ADAMTS16: variants seen among roughly 807,000 people sequenced by gnomAD.
ADAMTS16 encodes ADAM metallopeptidase with thrombospondin type 1 motif 16.
A neutral mutation model predicts 145.8 loss-of-function variants in ADAMTS16; 94 were observed. That is an observed-to-expected ratio of 0.64 (90% CI 0.55 to 0.77). ADAMTS16 has a LOEUF of 0.77. Ranked by LOEUF, ADAMTS16 falls within the 30% of genes least tolerant of loss-of-function variation. The pLI is 0.00. For missense variants in ADAMTS16, 1,585 were observed against 1,591.5 expected (o/e 1.00, Z 0.07); for synonymous variants, 659 against 604.3 (o/e 1.09, Z -1.33).
At chr5:5,233,190 G>A (rs1230557305) in intron 12 of ADAMTS16, among the ~76,000 whole-genome samples, 5 of 142,058 alleles carry the variant, frequency 3.5e-5, no homozygotes, top group Middle Eastern at 3.8e-3. Flanking sequence ...ATGGTTTTAC[G>A]TGGAAAAAAG....
chr5:5,314,464 G>C (rs1453520608), intron 21 of ADAMTS16, among the ~76,000 whole-genome samples: 2 of 152,206 alleles, frequency 1.3e-5, no homozygotes, highest in Non-Finnish European at 2.9e-5. Context: ...AAATGGCTGT[G>C]CTGAGTTTTA....
At chr5:5,318,020 G>A (rs553890189) in intron 21 of ADAMTS16, 114 bp from the exon 22 acceptor site, 140 of 1,175,104 alleles carry the variant, frequency 1.2e-4, no homozygotes, top group Admixed American at 1.6e-4. Flanking sequence ...CGACTAAGTC[G>A]CTCTTCCCTC....
At chr5:5,225,644 G>A (rs3058414) in intron 11 of ADAMTS16, among the ~76,000 whole-genome samples, 19,127 of 151,514 alleles carry the variant, frequency 0.13, 1,197 homozygotes, top group East Asian at 0.16. Context: ...CAGGAAAGAA[G>A]AAAGAGGGGA....
intron 18 of ADAMTS16, among the ~76,000 whole-genome samples, chr5:5,285,254 C>A (rs1257367216): frequency 6.6e-6 from 1 of 152,212 alleles, no homozygotes; most frequent in African/African-American, 2.4e-5. Flanking sequence ...TGTTGACCAA[C>A]AGAAGCGTTA....
intron 3 of ADAMTS16, among the ~76,000 whole-genome samples, chr5:5,160,238 C>T (rs1346993291): frequency 1.3e-5 from 2 of 152,182 alleles, no homozygotes; most frequent in Non-Finnish European, 2.9e-5. Context: ...GCCTTATCTT[C>T]ACCATTCAGC....
chr5:5,264,190 G>C (rs1260247818), intron 18 of ADAMTS16, among the ~76,000 whole-genome samples: 1 of 152,094 alleles, frequency 6.6e-6, no homozygotes, highest in African/African-American at 2.4e-5. Flanking sequence ...AAGAGAGCAG[G>C]CAAACAGGAA....
chr5:5,208,734 G>C (rs1487515063), intron 9 of ADAMTS16, among the ~76,000 whole-genome samples: 1 of 152,168 alleles, frequency 6.6e-6, no homozygotes, highest in Non-Finnish European at 1.5e-5. Flanking sequence ...CCATCTTTTG[G>C]TTGATTCTGC....
chr5:5,274,932 G>A (rs562884313), intron 18 of ADAMTS16, among the ~76,000 whole-genome samples: 62 of 152,172 alleles, frequency 4.1e-4, no homozygotes, highest in Middle Eastern at 3.4e-3. Context: ...CACACTCAGC[G>A]TAACTGTCCC....
intron 17 of ADAMTS16, among the ~76,000 whole-genome samples, chr5:5,242,771 C>T (rs568859061): frequency 6.6e-6 from 1 of 152,300 alleles, no homozygotes; most frequent in South Asian, 2.1e-4. Flanking sequence ...AATGGAAGCT[C>T]ACATTTATAT....
intron 9 of ADAMTS16, among the ~76,000 whole-genome samples, chr5:5,205,990 C>A (rs989574407): frequency 6.6e-6 from 1 of 152,092 alleles, no homozygotes; most frequent in Non-Finnish European, 1.5e-5. Flanking sequence ...ATTGATTATG[C>A]CTTTGATGTT....
chr5:5,266,409 G>A (rs1290866976), intron 18 of ADAMTS16, among the ~76,000 whole-genome samples: 1 of 152,228 alleles, frequency 6.6e-6, no homozygotes, highest in Non-Finnish European at 1.5e-5. Flanking sequence ...CCCCAGGGCA[G>A]CAGAGAGAAG....
intron 3 of ADAMTS16, among the ~76,000 whole-genome samples, chr5:5,181,223 G>A (rs187328990): frequency 1.3e-5 from 2 of 152,280 alleles, no homozygotes; most frequent in African/African-American, 4.8e-5. Context: ...AATGTCTGTG[G>A]TGCACAGATA....
intron 21 of ADAMTS16, among the ~76,000 whole-genome samples, chr5:5,314,766 C>T (rs1049608195): frequency 1.3e-4 from 20 of 152,084 alleles, no homozygotes; most frequent in African/African-American, 9.7e-5. Flanking sequence ...CATCTGGGAA[C>T]GGCACCGATT....
chr5:5,230,974 C>T (rs1579327145), intron 11 of ADAMTS16, among the ~76,000 whole-genome samples: 1 of 152,082 alleles, frequency 6.6e-6, no homozygotes, highest in African/African-American at 2.4e-5. Context: ...ATGTCTCCTG[C>T]ATTAGAAAGC....
intron 3 of ADAMTS16, among the ~76,000 whole-genome samples, chr5:5,167,071 A>T (rs1315125827): frequency 6.6e-6 from 1 of 152,038 alleles, no homozygotes; most frequent in Non-Finnish European, 1.5e-5. Context: ...AGAATTGTTT[A>T]TTTCTCTTCT....
At chr5:5,313,866 C>T (rs993904625) in intron 21 of ADAMTS16, among the ~76,000 whole-genome samples, 4 of 152,220 alleles carry the variant, frequency 2.6e-5, no homozygotes, top group African/African-American at 7.2e-5. Flanking sequence ...AGGGTTATCC[C>T]CTGAACCCTG....
At position 5,262,691 on chromosome 5, in the gene ADAMTS16, C is replaced by T. The variant is rs370524111; in HGVS notation, c.2697C>T (p.Asp899=). 8.1e-6 allele frequency: 13 copies of T among 1,614,184 alleles called. No individual in the cohort carries two copies. Among genetic ancestry groups the T allele is most frequent in the Non-Finnish European group, 1.1e-5 (13 of 1,180,038 alleles). ...CCGTGAGAGAGGGCTGCTACAGAGA[C>T]CTGAAGTTTCAAGTAAATATGTCCT... The part of the protein sequence containing the change: ...QMTVREGCYR[D]LKFQVNMSFC... Residue 899 remains aspartate, a synonymous_variant, in exon 18 of 23, where the codon GAC becomes GAT. Transcript: ENST00000274181.
At chr5:5,171,058 C>T (rs1244090896) in intron 3 of ADAMTS16, among the ~76,000 whole-genome samples, 1 of 151,934 alleles carries the variant, frequency 6.6e-6, no homozygotes, top group Non-Finnish European at 1.5e-5. Flanking sequence ...TTCTTGGTTT[C>T]TTTTTTCAAA....
At position 5,187,688 on chromosome 5, in the gene ADAMTS16, A is replaced by G. The variant is rs747772414; in HGVS notation, c.964-37A>G. 10 of 1,478,898 alleles carry G rather than the reference A, an allele frequency of 6.8e-6. No individual in the cohort carries two copies. The Admixed American group carries it at 1.7e-4, about 25-fold the overall frequency. 91.6% of individuals were successfully genotyped at this position (1,478,898 alleles called of 1,614,324 possible). ...GCTAGTAAGTAGGGGGGAAAATGCC[A>G]TTTATGGGGCTGACATGGATTTCCT... On this transcript the variant is annotated intron_variant, in intron 5 of 22. Transcript: ENST00000274181.
Sources: allele counts gnomAD v4.1 joint callset (sites outside exome capture counted in the v4.1 genomes callset), GRCh38; gene constraint gnomAD v4.1.1; transcripts MANE v1.5; gene names NCBI Gene and HGNC (gene_info 2026-07-23, HGNC 2026-07-21).